Variants in PCSK5 observed in about 807,000 individuals in gnomAD.
The protein encoded by PCSK5 is prohormone convertase 5.
Under a neutral mutation model 233.2 loss-of-function variants are expected in PCSK5, and 129 were observed. The observed-to-expected ratio is 0.55, with a 90% CI of 0.48 to 0.64. PCSK5 has a LOEUF of 0.64. Ranked by LOEUF, PCSK5 falls within the 30% of genes least tolerant of loss-of-function variation. The pLI is 0.00. For synonymous variants in PCSK5, 825 were observed against 879.2 expected, an observed-to-expected ratio of 0.94 and a Z score of 1.09; for missense variants, 2,076 against 2,430.1, an observed-to-expected ratio of 0.85 and a Z score of 3.06.
At chr9:76,165,811 C>A (rs1823063294) in intron 12 of PCSK5, among the ~76,000 whole-genome samples, 2 of 152,206 alleles carry the variant, frequency 1.3e-5, no homozygotes, top group Admixed American at 6.5e-5. Context: ...TGTCTGATCT[C>A]TTCACTGTTG....
intron 2 of PCSK5, among the ~76,000 whole-genome samples, chr9:75,937,042 G>C (rs1446130145): frequency 6.6e-6 from 1 of 152,066 alleles, no homozygotes; most frequent in Admixed American, 6.5e-5. Context: ...GTAATAGTTT[G>C]AAAGGAACCT....
intron 35 of PCSK5, 136 bp from the exon 36 acceptor site, chr9:76,350,692 C>T (rs1830097712): frequency 8.2e-6 from 5 of 608,076 alleles, no homozygotes; most frequent in African/African-American, 3.8e-5. Context: ...AGACTTTTTT[C>T]TTTTTCGTAT....
At chr9:76,319,724 A>G (rs1009994387) in intron 30 of PCSK5, among the ~76,000 whole-genome samples, 194 of 152,288 alleles carry the variant, frequency 1.3e-3, no homozygotes, top group African/African-American at 4.4e-3. Context: ...GCCCGCAGTC[A>G]TCCGGAGGCC....
chr9:76,317,290 G>A (rs998537713), intron 30 of PCSK5, among the ~76,000 whole-genome samples: 2 of 152,130 alleles, frequency 1.3e-5, no homozygotes, highest in African/African-American at 2.4e-5. Flanking sequence ...TTCAACCCAG[G>A]AGGTAGAGGT....
intron 2 of PCSK5, among the ~76,000 whole-genome samples, chr9:75,944,334 G>A (rs1256751924): frequency 6.6e-6 from 1 of 152,082 alleles, no homozygotes; most frequent in Non-Finnish European, 1.5e-5. Flanking sequence ...GTTTTATGCA[G>A]GATAGATTTG....
intron 24 of PCSK5, among the ~76,000 whole-genome samples, chr9:76,271,291 G>C (rs573288101): frequency 1.7e-3 from 256 of 152,264 alleles, no homozygotes; most frequent in Non-Finnish European, 2.6e-3. Context: ...TCTCTGAACT[G>C]CGAACTTCCT....
chr9:76,032,416 G>A (rs575760084), intron 5 of PCSK5, among the ~76,000 whole-genome samples: 16 of 152,156 alleles, frequency 1.1e-4, no homozygotes, highest in Non-Finnish European at 2.2e-4. Flanking sequence ...AGTACTAACA[G>A]AGGATCTAGC....
At chr9:76,191,678 C>A (rs937275783) in intron 20 of PCSK5, among the ~76,000 whole-genome samples, 6 of 152,140 alleles carry the variant, frequency 3.9e-5, no homozygotes, top group African/African-American at 7.2e-5. Context: ...CTGAGGTTTT[C>A]TCGCCAGGGC....
intron 24 of PCSK5, chr9:76,287,968 T>C (rs1828139565): frequency 6.7e-6 from 1 of 149,572 alleles, no homozygotes. Context: ...ATACTTTTCT[T>C]TGGTCATTCA....
At chr9:76,186,870 A>G (rs1021766792) in intron 17 of PCSK5, among the ~76,000 whole-genome samples, 2 of 152,178 alleles carry the variant, frequency 1.3e-5, no homozygotes, top group African/African-American at 2.4e-5. Context: ...CTCTCTGGCC[A>G]GTGAGGAGAT....
intron 5 of PCSK5, among the ~76,000 whole-genome samples, chr9:76,063,334 T>C (rs1386745250): frequency 0.012 from 1,645 of 136,974 alleles, 35 homozygotes; most frequent in African/African-American, 0.042. Flanking sequence ...TTTTTTTTTT[T>C]TTTTTTTTTT....
At chr9:76,042,611 A>T (rs1829169264) in intron 5 of PCSK5, among the ~76,000 whole-genome samples, 1 of 152,092 alleles carries the variant, frequency 6.6e-6, no homozygotes, top group African/African-American at 2.4e-5. Context: ...AGCTGAGATC[A>T]CGCCACGGCA....
At chr9:76,102,983 G>A (rs1217799625) in intron 8 of PCSK5, among the ~76,000 whole-genome samples, 1 of 152,152 alleles carries the variant, frequency 6.6e-6, no homozygotes, top group African/African-American at 2.4e-5. Flanking sequence ...CCCTCCATTT[G>A]TAAGCAAAAT....
chr9:75,929,281 A>G (rs1217817103), intron 1 of PCSK5, among the ~76,000 whole-genome samples: 5 of 152,140 alleles, frequency 3.3e-5, no homozygotes, highest in African/African-American at 9.7e-5. Flanking sequence ...ATGAGATTCT[A>G]TTCTGTGTTG....
chr9:76,206,733 G>A (rs1825129813), intron 20 of PCSK5, among the ~76,000 whole-genome samples: 1 of 152,222 alleles, frequency 6.6e-6, no homozygotes, highest in African/African-American at 2.4e-5. Context: ...AAACCACACA[G>A]CTAATAATGG....
chr9:76,247,379 G>C (rs1194203356), intron 24 of PCSK5, among the ~76,000 whole-genome samples: 3 of 152,206 alleles, frequency 2.0e-5, no homozygotes, highest in Non-Finnish European at 4.4e-5. Flanking sequence ...AGCCGTTGCT[G>C]GCTGGAATGC....
At chr9:76,197,356 A>G (rs1420567729) in intron 20 of PCSK5, among the ~76,000 whole-genome samples, 1 of 152,188 alleles carries the variant, frequency 6.6e-6, no homozygotes, top group African/African-American at 2.4e-5. Context: ...CTCTTCTACC[A>G]GATTCATTAT....
chr9:76,170,102 C>T (rs1823266719), intron 13 of PCSK5, among the ~76,000 whole-genome samples: 1 of 152,362 alleles, frequency 6.6e-6, no homozygotes, highest in Non-Finnish European at 1.5e-5. Flanking sequence ...ACATGATCCA[C>T]ATCTCTAACC....
At chr9:76,257,309 A>C (rs917117743) in intron 24 of PCSK5, among the ~76,000 whole-genome samples, 1 of 152,160 alleles carries the variant, frequency 6.6e-6, no homozygotes, top group African/African-American at 2.4e-5. Context: ...AGAAAAAAAA[A>C]ATTGATTTAA....
Sources: gnomAD v4.1 joint callset for allele counts (sites outside exome capture counted in the v4.1 genomes callset) on GRCh38, gnomAD v4.1.1 for gene constraint, MANE v1.5 for transcripts, NCBI Gene and HGNC (gene_info 2026-07-23, HGNC 2026-07-21) for gene names.